SEZ6L2: variants seen among roughly 807,000 people sequenced by gnomAD.
SEZ6L2 encodes the protein seizure related 6 homolog like 2, also known as seizure 6-like protein 2.
In SEZ6L2, 44 loss-of-function variants were observed where a neutral mutation model predicts 97.0. That is an observed-to-expected ratio of 0.45 (90% CI 0.36 to 0.58). The LOEUF is 0.58. SEZ6L2 is among the 20% of genes least tolerant of loss of function. The probability of loss-of-function intolerance (pLI) is 0.00; values close to 1 mark genes in which losing one functional copy is unlikely to be tolerated. For missense variants in SEZ6L2, 1,086 were observed against 1,233.3 expected, an observed-to-expected ratio of 0.88 and a Z score of 1.79; for synonymous variants, 543 against 546.1, an observed-to-expected ratio of 0.99 and a Z score of 0.08.
chr16:29,878,763 C>CTTTTTTTT (rs529820559), intron 9 of SEZ6L2, among the ~76,000 whole-genome samples: 9 of 127,932 alleles, frequency 7.0e-5, no homozygotes, highest in East Asian at 2.3e-4. Context: ...TTTCTTTTTT[C>CTTTTTTTT]TTTTTTTTTT....
chr16:29,883,425 C>T (rs2068068755), intron 8 of SEZ6L2, among the ~76,000 whole-genome samples: 1 of 152,080 alleles, frequency 6.6e-6, no homozygotes, highest in Non-Finnish European at 1.5e-5. Context: ...GATCCTCCCA[C>T]CTCAACCTTC....
chr16:29,896,373 G>A (rs1483431636), intron 3 of SEZ6L2, among the ~76,000 whole-genome samples: 3 of 152,074 alleles, frequency 2.0e-5, no homozygotes, highest in Admixed American at 6.6e-5. Flanking sequence ...TCCACCTCCC[G>A]GGTTCAAGCA....
Position 29,878,440 on chromosome 16 carries a change from G to A in SEZ6L2, c.1574-15C>T. The A allele has an allele frequency of 1.3e-6, 2 of 1,585,846 alleles. No individual in the cohort carries two copies. The highest frequency in any genetic ancestry group is 1.2e-5 in the South Asian group (1 of 86,490). On this transcript the variant is annotated splice_polypyrimidine_tract_variant and intron_variant, in intron 9 of 17. Transcript: ENST00000617533. ...TCCACACATGGCTAGGGAAAAAGGG[G>A]TGTCAGGTTCAGGACCCAGGTGGGC...
In SEZ6L2 at chr16:29,894,162, C is replaced by T. The variant is rs532809285; in HGVS notation, c.853+1097G>A. Among the ~76,000 whole-genome samples the T allele has an allele frequency of 7.9e-5, 12 of 152,296 alleles. No homozygotes were observed. The East Asian group carries it at 2.3e-3, about 29-fold the overall frequency. On this transcript the variant is annotated intron_variant, in intron 5 of 17. Transcript: ENST00000617533. ...CTGAGATTATAGGCGTGAGCCACCA[C>T]GCCAGGCCACACACTGTTTTAAACA...
Position 29,877,319 on chromosome 16 carries a change from C to T in SEZ6L2, c.1861G>A (p.Gly621Arg), listed in dbSNP as rs1232301594. 1.1e-5 allele frequency: 18 copies of T among 1,610,812 alleles called. No homozygotes were observed. Among genetic ancestry groups the T allele is most frequent in the Non-Finnish European group, 1.4e-5 (17 of 1,178,646 alleles). Residue 621 changes from glycine (G) to arginine (R), a missense_variant, in exon 11 of 18, where the codon GGG becomes AGG. Physicochemically the swap from Gly to Arg is moderately radical, Grantham distance 125. Coordinates refer to ENST00000617533, the MANE Select transcript of SEZ6L2 (RefSeq NM_001243332.2). The part of the protein sequence containing the change: ...DLTLQFQAPP[G>R]PPNPGLGQGF... ...TGGCCCAGGCCTGGATTTGGGGGCC[C>T]GGGCGGTGCCTGAAACTGCAGTGTG...
At chr16:29,878,023 G>C (rs939262310) in intron 10 of SEZ6L2, among the ~76,000 whole-genome samples, 2 of 152,214 alleles carry the variant, frequency 1.3e-5, no homozygotes, top group Non-Finnish European at 2.9e-5. Context: ...AAGAGTGAGA[G>C]GCACCAGGCC....
At chr16:29,892,737 G>T (rs2150811102) in intron 5 of SEZ6L2, among the ~76,000 whole-genome samples, 1 of 152,368 alleles carries the variant, frequency 6.6e-6, no homozygotes, top group African/African-American at 2.4e-5. Context: ...TGTGAAGGGG[G>T]CATTGGCCCG....
intron 12 of SEZ6L2, among the ~76,000 whole-genome samples, chr16:29,874,550 GTTTTTTTTTTTTTTTTTTTTTTTTTTTTT>G (rs541095994): frequency 3.1e-5 from 1 of 32,528 alleles, no homozygotes; most frequent in Non-Finnish European, 7.0e-5. Flanking sequence ...GTGTGTGCTT[GTTTTTTTTTTTTTTTTTTTTTTTTTTTTT>G]TTTTTTTTTG....
Position 29,899,003 on chromosome 16 carries a change from G to C in SEZ6L2, c.17C>G (p.Ala6Gly). The change falls in exon 1 of 18, where the codon GCC (alanine) becomes GGC (glycine). Residue 6 changes from alanine to glycine, a missense_variant. Ala to Gly is a moderately conservative substitution (Grantham distance 60, BLOSUM62 0). Coordinates refer to ENST00000617533, the MANE Select transcript of SEZ6L2 (RefSeq NM_001243332.2). ...CAGCTGGGGAGGCGGCGGGTGCTGG[G>C]CCCTGGGAGTCCCCATGGCGACTCA... MGTPR[A>G]QHPPPPQLLF... is the part of the protein sequence containing the mutation. 1 of 1,610,708 alleles carries C rather than the reference G, an allele frequency of 6.2e-7. No individual in the cohort carries two copies. Among genetic ancestry groups the C allele is most frequent in the Non-Finnish European group, 8.5e-7 (1 of 1,179,344 alleles).
Position 29,885,656 on chromosome 16 carries a change from G to C in SEZ6L2, c.1302C>G (p.Ala434=), listed in dbSNP as rs753907466. 1 of 1,614,054 alleles carries C rather than the reference G, an allele frequency of 6.2e-7. No individual in the cohort carries two copies. Among genetic ancestry groups the C allele is most frequent in the Non-Finnish European group, 8.5e-7 (1 of 1,179,996 alleles). The change falls in exon 8 of 18, where the codon GCC becomes GCG. Residue 434 remains alanine, a synonymous_variant. Coordinates refer to ENST00000617533, the MANE Select transcript of SEZ6L2 (RefSeq NM_001243332.2). The part of the protein sequence containing the change: ...DVPERGLISD[A]QSLYVELLSE... Reference sequence around the variant, plus strand: ...ACAGCAGCTCCACGTAGAGGGACTGGGCGTCACTGATGAGACCCCGCTCGG... The same window carrying C: ...ACAGCAGCTCCACGTAGAGGGACTGCGCGTCACTGATGAGACCCCGCTCGG...
rs866792135 is a variant in SEZ6L2 at position 29,886,331 on chromosome 16, T to C, written c.1209-582A>G. ...TTGCAGTGAGCTGAATCCGTGCCAC[T>C]GCACTCCAGCCTGGGTGACAGAGCG... is the stretch of plus-strand genomic sequence containing the variant. On this transcript the variant is annotated intron_variant, in intron 7 of 17. Transcript: ENST00000617533. Among the ~76,000 whole-genome samples, 7 of 152,180 alleles carry C rather than the reference T, an allele frequency of 4.6e-5. No individual in the cohort carries two copies. The South Asian group carries it at 1.5e-3, about 32-fold the overall frequency.
intron 8 of SEZ6L2, 116 bp from the exon 9 acceptor site, chr16:29,880,180 TTTTA>T: frequency 1.0e-6 from 1 of 966,714 alleles, no homozygotes; most frequent in Non-Finnish European, 1.5e-6. Context: ...TTTTTTTTTT[TTTTA>T]AACAGTCTTG....
chr16:29,875,144 C>T (rs1463093648), intron 12 of SEZ6L2, among the ~76,000 whole-genome samples: 1 of 151,920 alleles, frequency 6.6e-6, no homozygotes, highest in Non-Finnish European at 1.5e-5. Context: ...CAAAGCACTG[C>T]AATTTCAGAT....
intron 14 of SEZ6L2, 22 bp from the exon 15 acceptor site, chr16:29,872,765 G>A: frequency 1.9e-6 from 3 of 1,606,070 alleles, no homozygotes; most frequent in East Asian, 2.2e-5. Context: ...GGAGGGGGAG[G>A]GGATGGGGTC....
intron 6 of SEZ6L2, 151 bp from the exon 7 acceptor site, chr16:29,887,968 G>T (rs2068184382): frequency 1.2e-6 from 1 of 807,220 alleles, no homozygotes; most frequent in Non-Finnish European, 1.9e-6. Context: ...CACTCCAGAG[G>T]ATGGGACCTT....
intron 5 of SEZ6L2, among the ~76,000 whole-genome samples, chr16:29,889,591 T>C (rs1307305871): frequency 7.0e-6 from 1 of 142,152 alleles, no homozygotes; most frequent in African/African-American, 2.5e-5. Flanking sequence ...TCAGCTTCCA[T>C]CCAGAAGAAC....
At chr16:29,892,217 G>A (rs1300997848) in intron 5 of SEZ6L2, among the ~76,000 whole-genome samples, 1 of 152,232 alleles carries the variant, frequency 6.6e-6, no homozygotes, top group South Asian at 2.1e-4. Flanking sequence ...AGAGGCCCCA[G>A]CTAGTGCAGG....
intron 7 of SEZ6L2, chr16:29,885,959 A>G: frequency 4.2e-6 from 2 of 475,868 alleles, no homozygotes; most frequent in Non-Finnish European, 7.3e-6. Flanking sequence ...TTTATAGATG[A>G]GGATATTAGG....
rs757830510 is a variant in SEZ6L2, at chr16:29,888,522, C to G, written c.1039+18G>C. ...GTTCCCAGAACAGATGCCCCACCCACTGTGGCAGGAGACTCACCCATGCAG... is the reference window on the plus strand; with the variant it reads ...GTTCCCAGAACAGATGCCCCACCCAGTGTGGCAGGAGACTCACCCATGCAG... On this transcript the variant is annotated intron_variant, in intron 6 of 17. Transcript: ENST00000617533. The G allele has an allele frequency of 6.2e-7, 1 of 1,610,624 alleles. No individual in the cohort carries two copies. The highest frequency in any genetic ancestry group is 8.5e-7 in the Non-Finnish European group (1 of 1,177,714).
Sources: allele counts gnomAD v4.1 joint callset (sites outside exome capture counted in the v4.1 genomes callset), GRCh38; gene constraint gnomAD v4.1.1; transcripts MANE v1.5; gene names NCBI Gene and HGNC (gene_info 2026-07-23, HGNC 2026-07-21).